Variants in USP33 observed in about 807,000 individuals in gnomAD.
USP33 encodes ubiquitin carboxyl-terminal hydrolase 33.
In USP33, 46 loss-of-function variants were observed where a neutral mutation model predicts 124.2. The observed-to-expected ratio is 0.37, with a 90% confidence interval of 0.29 to 0.47. The LOEUF (loss-of-function observed/expected upper bound fraction) is 0.47. Among genes scored for constraint, USP33 ranks in the 20% least tolerant of loss-of-function variants. The pLI is 0.99. For missense variants in USP33, 851 were observed against 1,070.6 expected (o/e 0.79, Z 2.86); for synonymous variants, 350 against 352.3 (o/e 0.99, Z 0.07).
At chr1:77,699,434 C>T (rs1326737605) in intron 22 of USP33, among the ~76,000 whole-genome samples, 9 of 152,132 alleles carry the variant, frequency 5.9e-5, no homozygotes, top group African/African-American at 2.2e-4. Context: ...GCAGGACAAT[C>T]GTCTGAACCC....
In USP33 at chr1:77,713,246, G is replaced by A; in HGVS notation, c.2251C>T (p.Leu751=). The change falls in exon 20 of 24, where the codon CTG becomes TTG. Residue 751 remains leucine, a synonymous_variant. Transcript: ENST00000370794. ...ATGTTCTGAGGCAGCATCAAAACCA[G>A]GTCTTCAATATAACCAGCTTTTCTT... ...PPRKAGYIED[L]VLMLPQNIWD... is the part of the protein sequence containing the mutation. The A allele has an allele frequency of 1.9e-6, 3 of 1,576,068 alleles. No individual in the cohort carries two copies. Among genetic ancestry groups the A allele is most frequent in the South Asian group, 2.4e-5 (2 of 85,036 alleles).
At chr1:77,756,997 T>C (rs531398526) in intron 1 of USP33, among the ~76,000 whole-genome samples, 8 of 152,378 alleles carry the variant, frequency 5.3e-5, no homozygotes, top group African/African-American at 1.9e-4. Flanking sequence ...CTTCTTTATC[T>C]ATTATTAACT....
intron 20 of USP33, 71 bp from the exon 21 acceptor site, chr1:77,711,926 T>A (rs1240258601): frequency 1.4e-6 from 2 of 1,385,976 alleles, no homozygotes; most frequent in East Asian, 4.8e-5. Context: ...AGTGGCCAAA[T>A]ACCCAGTAAA....
Position 77,697,429 on chromosome 1 carries a change from T to G in USP33, c.2624A>C (p.Gln875Pro). ...QISEETWNFL[Q>P]SIYGGGPEVI... The stretch of plus-strand genomic sequence containing the variant: ...TTCAGGCCCTCCACCATAAATAGAC[T>G]GCAGAAAATTCCATGTTTCTTCAGA... The change falls in exon 24 of 24, where the codon CAG becomes CCG. Residue 875 changes from glutamine to proline, a missense_variant. By Grantham distance (76) the Gln-to-Pro change is moderately conservative. Around this residue, in one of 4 missense-constraint regions of USP33, gnomAD observed 142 missense variants for 141.8 expected, o/e 1.00. Transcript: ENST00000370794. 1 of 1,608,724 alleles carries G rather than the reference T, an allele frequency of 6.2e-7. No individual in the cohort carries two copies. Among genetic ancestry groups the G allele is most frequent in the Non-Finnish European group, 8.5e-7 (1 of 1,178,806 alleles).
intron 1 of USP33, among the ~76,000 whole-genome samples, chr1:77,755,205 T>C (rs2101621510): frequency 6.6e-6 from 1 of 152,228 alleles, no homozygotes; most frequent in East Asian, 1.9e-4. Context: ...TGGAAAAACC[T>C]AAATCTTCAG....
At chr1:77,722,223 G>A in intron 12 of USP33, 27 bp from the exon 13 acceptor site, 1 of 1,593,812 alleles carries the variant, frequency 6.3e-7, no homozygotes, top group African/African-American at 1.3e-5. Context: ...TTTTAAAAAT[G>A]GGATGAACAT....
At chr1:77,759,058 C>A (rs1681074668) in intron 1 of USP33, among the ~76,000 whole-genome samples, 1 of 152,230 alleles carries the variant, frequency 6.6e-6, no homozygotes, top group Non-Finnish European at 1.5e-5. Flanking sequence ...GGAAACCACA[C>A]ACTATGGATC....
chr1:77,701,095 CTT>C (rs1673967063), intron 22 of USP33, among the ~76,000 whole-genome samples: 1 of 152,224 alleles, frequency 6.6e-6, no homozygotes, highest in African/African-American at 2.4e-5. Context: ...TAAGCAACCT[CTT>C]ATTCCTTATA....
Position 77,714,619 on chromosome 1 carries a change from T to A in USP33, c.2210A>T (p.His737Leu), listed in dbSNP as rs1675657863. The stretch of plus-strand genomic sequence containing the variant: ...TGCATTACAGGAGTTCTTACCTCCA[T>A]GAATACAAAGAAAGTCATTATTTGA... ...PISNNDFLCIHGGVPPRKAGY... is the reference protein window; with the variant it reads ...PISNNDFLCILGGVPPRKAGY... The change falls in exon 19 of 24, where the codon CAT becomes CTT. Residue 737 changes from histidine to leucine, a missense_variant. Physicochemically the swap from His to Leu is moderately conservative, Grantham distance 99. Around this residue, in one of 4 missense-constraint regions of USP33, gnomAD observed 281 missense variants for 425.0 expected, o/e 0.66. Coordinates refer to ENST00000370794, the MANE Select transcript of USP33 (RefSeq NM_201624.3). 1.2e-6 allele frequency: 2 copies of A among 1,612,204 alleles called. No homozygotes were observed. The highest frequency in any genetic ancestry group is 1.7e-5 in the Admixed American group (1 of 59,708).
intron 15 of USP33, chr1:77,720,200 ATTCTT>A: frequency 6.3e-6 from 1 of 159,800 alleles, no homozygotes; most frequent in Non-Finnish European, 1.1e-5. Context: ...AAAAACCTTT[ATTCTT>A]ACATGTGGAA....
intron 1 of USP33, among the ~76,000 whole-genome samples, chr1:77,742,673 A>G (rs914074642): frequency 1.3e-5 from 2 of 152,204 alleles, no homozygotes; most frequent in African/African-American, 4.8e-5. Flanking sequence ...TTTTAATAAC[A>G]GGGCTTTTCA....
chr1:77,753,218 T>C (rs1275989616), intron 1 of USP33, among the ~76,000 whole-genome samples: 4 of 152,218 alleles, frequency 2.6e-5, no homozygotes, highest in Non-Finnish European at 5.9e-5. Flanking sequence ...ATTTGGATTC[T>C]AGACCCTTGA....
intron 22 of USP33, among the ~76,000 whole-genome samples, chr1:77,700,890 AG>A (rs1376126203): frequency 1.3e-5 from 2 of 151,988 alleles, no homozygotes; most frequent in Non-Finnish European, 2.9e-5. Context: ...TAGTAGAGAC[AG>A]GGTTTCACTA....
At position 77,697,931 on chromosome 1, in the gene USP33, T is replaced by C; in HGVS notation, c.2510A>G (p.Asp837Gly). The C allele has an allele frequency of 6.3e-7, 1 of 1,593,196 alleles. No individual in the cohort carries two copies. Among genetic ancestry groups the C allele is most frequent in the Non-Finnish European group, 8.5e-7 (1 of 1,173,780 alleles). The change falls in exon 23 of 24, where the codon GAT (aspartate) becomes GGT (glycine). Residue 837 changes from aspartate to glycine, a missense_variant and splice_region_variant. By Grantham distance (94) the Asp-to-Gly change is moderately conservative. Around this residue, in one of 4 missense-constraint regions of USP33, gnomAD observed 142 missense variants for 141.8 expected, o/e 1.00. Transcript: ENST00000370794. ...WESFVKGKDG[D>G]PPGPIDNTKI... ...AGTATTGTCAATAGGACCTGGAGGATCTAAAGGAAAAAATATCAAAATGTA... is the reference window on the plus strand; with the variant it reads ...AGTATTGTCAATAGGACCTGGAGGACCTAAAGGAAAAAATATCAAAATGTA...
rs192228948 is a variant in USP33 at position 77,717,261 on chromosome 1, G to A, written c.1918+606C>T. 2.9e-3 allele frequency among the ~76,000 whole-genome samples: 443 copies of A among 152,140 alleles called. 2 individuals carry two copies. Among genetic ancestry groups the A allele is most frequent in the African/African-American group, 9.7e-3 (403 of 41,540 alleles). ...TCCCACCACTTCGGGAGGCCGAGGC[G>A]GGCAGATCACGAGGTCAGGAGATCG... On this transcript the variant is annotated intron_variant, in intron 17 of 23. Transcript: ENST00000370794.
chr1:77,725,639 G>C lies in USP33; in HGVS notation c.1259C>G (p.Ala420Gly). The change falls in exon 11 of 24, where the codon GCA (alanine) becomes GGA (glycine). Residue 420 changes from alanine (A) to glycine (G), a missense_variant. Physicochemically the swap from Ala to Gly is moderately conservative, Grantham distance 60 (BLOSUM62 0). Around this residue, in one of 4 missense-constraint regions of USP33, gnomAD observed 207 missense variants for 200.9 expected, o/e 1.03. Transcript: ENST00000370794. ...PKSGNLWPGL[A>G]PPHKKAQSAS... Reference sequence around the variant, plus strand: ...CGTTTTACCTTTTTTGTGTGGTGGTGCCAATCCTGGCCACAAATTGCCTGA... The same window carrying C: ...CGTTTTACCTTTTTTGTGTGGTGGTCCCAATCCTGGCCACAAATTGCCTGA... The C allele has an allele frequency of 2.5e-6, 4 of 1,614,064 alleles. No homozygotes were observed. Among genetic ancestry groups the C allele is most frequent in the Non-Finnish European group, 3.4e-6 (4 of 1,179,992 alleles).
intron 1 of USP33, among the ~76,000 whole-genome samples, chr1:77,746,959 CT>C (rs1282488901): frequency 3.3e-5 from 5 of 152,284 alleles, no homozygotes; most frequent in Middle Eastern, 3.4e-3. Flanking sequence ...GTTTGAATGT[CT>C]TTTCATAAAT....
At chr1:77,749,936 T>C (rs1028782640) in intron 1 of USP33, among the ~76,000 whole-genome samples, 1 of 152,204 alleles carries the variant, frequency 6.6e-6, no homozygotes, top group Non-Finnish European at 1.5e-5. Flanking sequence ...ATAAATTCTC[T>C]CTGCTGATAG....
Position 77,697,914 on chromosome 1 carries a change from C to A in USP33, c.2527G>T (p.Asp843Tyr). The A allele has an allele frequency of 6.2e-7, 1 of 1,609,196 alleles. No individual in the cohort carries two copies. Among genetic ancestry groups the A allele is most frequent in the South Asian group, 1.1e-5 (1 of 89,412 alleles). ...TTAGTGACTGCAATCTTAGTATTGT[C>A]AATAGGACCTGGAGGATCTAAAGGA... ...GKDGDPPGPI[D>Y]NTKIAVTKCG... is the part of the protein sequence containing the mutation. The change falls in exon 23 of 24, where the codon GAC becomes TAC. Residue 843 changes from aspartate (D) to tyrosine (Y), a missense_variant. Asp to Tyr is a radical substitution (Grantham distance 160). Around this residue, in one of 4 missense-constraint regions of USP33, gnomAD observed 142 missense variants for 141.8 expected, o/e 1.00. Transcript: ENST00000370794.
Sources: allele counts gnomAD v4.1 joint callset (sites outside exome capture counted in the v4.1 genomes callset), GRCh38; gene constraint gnomAD v4.1.1; regional missense constraint gnomAD v4.1.1; transcripts MANE v1.5; gene names NCBI Gene and HGNC (gene_info 2026-07-23, HGNC 2026-07-21).